CFAP77: variants seen among roughly 807,000 people sequenced by gnomAD.
The protein encoded by CFAP77 is cilia and flagella associated protein 77, also known as cilia- and flagella-associated protein 77.
In CFAP77, 25 loss-of-function variants were observed where a neutral mutation model predicts 31.1. That is an observed-to-expected ratio of 0.80 (90% confidence interval 0.59 to 1.12). The LOEUF (loss-of-function observed/expected upper bound fraction) is 1.12, where lower values mean the gene tolerates loss of function less well. Among genes scored for constraint, CFAP77 ranks in the 50% most tolerant of loss-of-function variants. The probability of loss-of-function intolerance (pLI) is 0.00; values close to 1 mark genes in which losing one functional copy is unlikely to be tolerated. For synonymous variants in CFAP77, 151 were observed against 159.9 expected (o/e 0.94, Z 0.42); for missense variants, 377 against 397.3 (o/e 0.95, Z 0.44).
chr9:132,546,693 C>T (rs1852737146), intron 5 of CFAP77, among the ~76,000 whole-genome samples: 1 of 152,192 alleles, frequency 6.6e-6, no homozygotes, highest in South Asian at 2.1e-4. Context: ...ACTGTGCATT[C>T]CCTCCAGGCA....
chr9:132,456,854 G>A (rs1350667938), intron 1 of CFAP77, among the ~76,000 whole-genome samples: 5 of 152,008 alleles, frequency 3.3e-5, no homozygotes, highest in Admixed American at 1.3e-4. Context: ...GGGCTCAAGC[G>A]ATTCTCATGC....
At chr9:132,485,357 A>G (rs1222497588) in intron 1 of CFAP77, among the ~76,000 whole-genome samples, 1 of 152,156 alleles carries the variant, frequency 6.6e-6, no homozygotes. Context: ...TGAGACTCGG[A>G]GGTTAAGCAT....
chr9:132,486,995 C>T (rs1295388929), intron 1 of CFAP77, among the ~76,000 whole-genome samples: 1 of 152,252 alleles, frequency 6.6e-6, no homozygotes, highest in Admixed American at 6.5e-5. Context: ...GCGCAGGCAG[C>T]CCCGGGCCGT....
intron 1 of CFAP77, among the ~76,000 whole-genome samples, chr9:132,474,260 T>C (rs1026144531): frequency 6.6e-6 from 1 of 152,214 alleles, no homozygotes; most frequent in South Asian, 2.1e-4. Context: ...TGGAAGAGTG[T>C]GGTTTTCCAA....
chr9:132,474,985 G>A (rs551194534), intron 1 of CFAP77, among the ~76,000 whole-genome samples: 4 of 152,176 alleles, frequency 2.6e-5, no homozygotes, highest in Non-Finnish European at 5.9e-5. Context: ...TTGATTTCTT[G>A]TGGGAATTCT....
intron 1 of CFAP77, among the ~76,000 whole-genome samples, chr9:132,423,926 C>T (rs1850270768): frequency 6.6e-6 from 1 of 152,194 alleles, no homozygotes; most frequent in African/African-American, 2.4e-5. Flanking sequence ...CCAGTTAATC[C>T]ATGTGCTTAT....
At chr9:132,461,742 A>G (rs1390982998) in intron 1 of CFAP77, among the ~76,000 whole-genome samples, 1 of 152,218 alleles carries the variant, frequency 6.6e-6, no homozygotes, top group South Asian at 2.1e-4. Flanking sequence ...CAATGGCCAT[A>G]ACAAGGCAAT....
intron 1 of CFAP77, among the ~76,000 whole-genome samples, chr9:132,462,337 C>T (rs780333570): frequency 2.6e-5 from 4 of 152,148 alleles, no homozygotes; most frequent in Non-Finnish European, 5.9e-5. Flanking sequence ...TGTTTTTCCA[C>T]GATGAGGTGC....
chr9:132,432,274 G>A (rs866684100), intron 1 of CFAP77, among the ~76,000 whole-genome samples: 2 of 152,288 alleles, frequency 1.3e-5, no homozygotes, highest in Middle Eastern at 6.8e-3. Context: ...TGGAAGAAAT[G>A]TGTCGTTTCA....
At chr9:132,513,496 C>A in intron 3 of CFAP77, 1 of 955,616 alleles carries the variant, frequency 1.0e-6, no homozygotes, top group Non-Finnish European at 1.5e-6. Context: ...ATGCTTTCCA[C>A]CCAGCGTGCC....
intron 3 of CFAP77, among the ~76,000 whole-genome samples, chr9:132,523,529 G>A (rs1229401720): frequency 6.6e-6 from 1 of 152,108 alleles, no homozygotes; most frequent in Admixed American, 6.5e-5. Context: ...CATTCTTTTT[G>A]GCAGCTGCAT....
intron 1 of CFAP77, among the ~76,000 whole-genome samples, chr9:132,459,420 G>GGTGTGTGTGTGTGTGT (rs112825234): frequency 2.1e-5 from 3 of 143,850 alleles, no homozygotes; most frequent in Admixed American, 1.4e-4. Context: ...GGATGAATAG[G>GGTGTGTGTGTGTGTGT]GTGTGTGTGT....
At chr9:132,548,684 G>T (rs1034435137) in intron 5 of CFAP77, among the ~76,000 whole-genome samples, 2 of 151,898 alleles carry the variant, frequency 1.3e-5, no homozygotes, top group Non-Finnish European at 2.9e-5. Flanking sequence ...GCTGGCGGGG[G>T]GGTCTCCACA....
In CFAP77 at chr9:132,476,883, G is replaced by A. The variant is rs147482097; in HGVS notation, c.196-21812G>A. 3.4e-3 allele frequency among the ~76,000 whole-genome samples: 521 copies of A among 152,286 alleles called. 3 individuals are homozygous for A. Among genetic ancestry groups the A allele is most frequent in the African/African-American group, 0.011 (474 of 41,550 alleles). ...ATTTCAGACTTCTGGCTTCCGGAGC[G>A]GTGAGATTTCTGCTGCCTTCAGCCA... On this transcript the variant is annotated intron_variant, in intron 1 of 5. Coordinates refer to ENST00000393216, the MANE Select transcript of CFAP77 (RefSeq NM_001282957.2).
At chr9:132,531,865 C>G (rs116203650) in intron 3 of CFAP77, among the ~76,000 whole-genome samples, 1 of 152,076 alleles carries the variant, frequency 6.6e-6, no homozygotes, top group African/African-American at 2.4e-5. Context: ...AGCTGCTGGC[C>G]GGAGCTAGAC....
intron 3 of CFAP77, among the ~76,000 whole-genome samples, chr9:132,515,867 T>TC (rs75096679): frequency 0.24 from 36,233 of 152,128 alleles, 4,679 homozygotes; most frequent in East Asian, 0.44. Flanking sequence ...CTCCTTCCAC[T>TC]ACAGGAAAAA....
intron 1 of CFAP77, among the ~76,000 whole-genome samples, chr9:132,488,324 C>A (rs936666507): frequency 2.0e-5 from 3 of 152,190 alleles, no homozygotes; most frequent in African/African-American, 4.8e-5. Flanking sequence ...GGAATAAGAT[C>A]CAGTTCAAGG....
In CFAP77 at chr9:132,499,478, T is replaced by C; in HGVS notation, c.402T>C (p.Thr134=). ...GGGCGGTGAAAGCCGGCCTGGTGAC[T>C]GCCCGGGAGAACTTGCTCTACCGTC... ...NRGAVKAGLV[T]ARENLLYRQL... is the part of the protein sequence containing the mutation. The change falls in exon 3 of 6, where the codon ACT becomes ACC. Residue 134 remains threonine, a synonymous_variant. Transcript: ENST00000393216. The surrounding 1 kb of genome is among the most constrained non-coding windows in gnomAD (Gnocchi z 5.4). The C allele has an allele frequency of 1.9e-6, 3 of 1,614,198 alleles. No individual in the cohort carries two copies. Among genetic ancestry groups the C allele is most frequent in the Non-Finnish European group, 2.5e-6 (3 of 1,180,026 alleles).
rs887015791 is a variant in CFAP77, at chr9:132,480,954, C to G, written c.196-17741C>G. 6.6e-6 allele frequency among the ~76,000 whole-genome samples: 1 copy of G among 152,134 alleles called. No homozygotes were observed. The highest frequency in any genetic ancestry group is 1.5e-5 in the Non-Finnish European group (1 of 68,010). On this transcript the variant is annotated intron_variant, in intron 1 of 5. Transcript: ENST00000393216. This position sits in a 1 kb window ranked among gnomAD's most constrained non-coding sequence, Gnocchi z 5.8. ...ATCAAAACAAGCCACAGACAGTCCCCGTGTATCCACCTTGGGTTGCTTATT... is the reference window on the plus strand; with the variant it reads ...ATCAAAACAAGCCACAGACAGTCCCGGTGTATCCACCTTGGGTTGCTTATT...
Sources: allele counts gnomAD v4.1 joint callset (sites outside exome capture counted in the v4.1 genomes callset), GRCh38; gene constraint gnomAD v4.1.1; non-coding constraint Gnocchi (gnomAD v3.1); transcripts MANE v1.5; gene names NCBI Gene and HGNC (gene_info 2026-07-23, HGNC 2026-07-21).